Variants in MYH15 observed in about 807,000 individuals in gnomAD.
The protein encoded by MYH15 is myosin heavy chain 15, also known as myosin-15.
Under a neutral mutation model 240.5 loss-of-function variants are expected in MYH15, and 227 were observed. That is an observed-to-expected ratio of 0.94 (90% CI 0.85 to 1.05). The LOEUF is 1.05. Ranked by LOEUF, MYH15 falls within the 50% of genes least tolerant of loss-of-function variation. The pLI is 0.00. For synonymous variants in MYH15, 785 were observed against 796.7 expected, an observed-to-expected ratio of 0.99 and a Z score of 0.25; for missense variants, 2,217 against 2,247.5, an observed-to-expected ratio of 0.99 and a Z score of 0.27.
At chr3:108,464,088 T>C (rs1325466080) in intron 15 of MYH15, among the ~76,000 whole-genome samples, 1 of 152,100 alleles carries the variant, frequency 6.6e-6, no homozygotes, top group Non-Finnish European at 1.5e-5. Context: ...TAGGTCGAAG[T>C]ATTATTTTAT....
intron 14 of MYH15, among the ~76,000 whole-genome samples, chr3:108,468,893 A>T (rs369042786): frequency 2.9e-4 from 44 of 152,302 alleles, no homozygotes; most frequent in African/African-American, 9.9e-4. Context: ...GAGGACCTCC[A>T]GTTCTTTTGT....
At chr3:108,444,528 G>T (rs2082910910) in intron 22 of MYH15, 112 bp downstream of exon 22, 2 of 1,218,098 alleles carry the variant, frequency 1.6e-6, no homozygotes, top group Non-Finnish European at 2.3e-6. Context: ...AAATCCTTTG[G>T]TATTTGAAAA....
chr3:108,460,309 A>C lies in MYH15; in HGVS notation c.1923T>G (p.Ser641=). The C allele has an allele frequency of 1.2e-6, 2 of 1,600,294 alleles. No individual in the cohort carries two copies. The highest frequency in any genetic ancestry group is 4.5e-5 in the East Asian group (2 of 44,690). ...KKGASFQTVA[S]LHKENLNKLM... ...CGCAATTAAAAATTACTTTATGCAG[A>C]GATGCAACCGTTTGGAATGAAGCTC... The change falls in exon 17 of 41, where the codon TCT becomes TCG. Residue 641 remains serine (S), a synonymous_variant. Transcript: ENST00000693548.
intron 14 of MYH15, 88 bp from the exon 15 acceptor site, chr3:108,464,902 T>C: frequency 8.4e-7 from 1 of 1,186,718 alleles, no homozygotes; most frequent in African/African-American, 1.6e-5. Flanking sequence ...CCCAGGAACC[T>C]AATCAGTTGA....
At chr3:108,535,697 T>C in the MYH15 span, among the ~76,000 whole-genome samples, 1 of 152,052 alleles carries the variant, frequency 6.6e-6, no homozygotes, top group Non-Finnish European at 1.5e-5. Flanking sequence ...AGCTATAGAG[T>C]GTTTTTTGGG....
chr3:108,466,903 C>T (rs187054220), intron 14 of MYH15, among the ~76,000 whole-genome samples: 55 of 152,258 alleles, frequency 3.6e-4, no homozygotes, highest in South Asian at 1.2e-3. Context: ...AGGATTTCCT[C>T]CTTCAGCAAT....
intron 20 of MYH15, among the ~76,000 whole-genome samples, chr3:108,454,425 C>T (rs367783414): frequency 6.6e-6 from 1 of 151,996 alleles, no homozygotes; most frequent in Non-Finnish European, 1.5e-5. Context: ...GTTTAGGGAA[C>T]CTGGTTTAAG....
intron 33 of MYH15, 114 bp from the exon 34 acceptor site, chr3:108,399,381 T>C: frequency 1.1e-6 from 1 of 920,428 alleles, no homozygotes; most frequent in Non-Finnish European, 1.6e-6. Flanking sequence ...CCAAGATAAA[T>C]TTTAAGTAAC....
chr3:108,409,008 C>T (rs1466856633), intron 31 of MYH15, among the ~76,000 whole-genome samples: 1 of 152,158 alleles, frequency 6.6e-6, no homozygotes, highest in Admixed American at 6.5e-5. Context: ...CACAAAACCT[C>T]TTCCACCTGA....
chr3:108,428,535 A>T lies in MYH15; in HGVS notation c.3659T>A (p.Val1220Glu). 6.2e-7 allele frequency: 1 copy of T among 1,613,836 alleles called. No homozygotes were observed. Among genetic ancestry groups the T allele is most frequent in the Non-Finnish European group, 8.5e-7 (1 of 1,179,972 alleles). Residue 1220 changes from valine to glutamate, a missense_variant, in exon 27 of 41, where the codon GTA becomes GAA. Val to Glu is a moderately radical substitution (Grantham distance 121). Coordinates refer to ENST00000693548, the MANE Select transcript of MYH15 (RefSeq NM_014981.3). ...CTCAACACGGGTCAGGAGGTCATCT[A>T]CTTCTAGCTGCAAGTCACTCTTGTC... Reference protein sequence around the residue: ...EKDKSDLQLEVDDLLTRVEQM... With the variant: ...EKDKSDLQLEEDDLLTRVEQM...
upstream of MYH15, chr3:108,510,655 C>A: frequency 6.8e-7 from 1 of 1,463,428 alleles, no homozygotes; most frequent in Non-Finnish European, 9.4e-7. Context: ...AAATGAGCAA[C>A]CATTCACATA....
rs753099471 is a variant in MYH15, at chr3:108,383,628, T to C, written c.5733A>G (p.Lys1911=). 1 of 1,613,318 alleles carries C rather than the reference T, an allele frequency of 6.2e-7. No homozygotes were observed. The highest frequency in any genetic ancestry group is 1.7e-5 in the Admixed American group (1 of 59,956). Reference sequence around the variant, plus strand: ...CAAACTCTCTTGCTTTAATTTTGAGTTTATTGACTTGAGATTCTGCCACCT... The same window carrying C: ...CAAACTCTCTTGCTTTAATTTTGAGCTTATTGACTTGAGATTCTGCCACCT... ...RAEVAESQVN[K]LKIKAREFGK... Residue 1911 remains lysine (K), a synonymous_variant, in exon 40 of 41, where the codon AAA becomes AAG. Transcript: ENST00000693548.
rs1392716210 is a variant in MYH15, at chr3:108,399,254, ACTG to A, written c.4747_4749del (p.Gln1583del). On this transcript the variant is annotated inframe_deletion, in exon 34 of 41. Coordinates refer to ENST00000693548, the MANE Select transcript of MYH15 (RefSeq NM_014981.3). The stretch of plus-strand genomic sequence containing the variant: ...CTAGACTGCAGGGAGTCAATGGTAC[ACTG>A]CTGCTTCCTCCTAATTTGAAATAAC... The A allele has an allele frequency of 6.2e-7, 1 of 1,610,446 alleles. No individual in the cohort carries two copies. The highest frequency in any genetic ancestry group is 1.3e-5 in the African/African-American group (1 of 74,806).
At chr3:108,419,353 GA>G (rs2082662908) in intron 28 of MYH15, among the ~76,000 whole-genome samples, 1 of 152,042 alleles carries the variant, frequency 6.6e-6, no homozygotes, top group Non-Finnish European at 1.5e-5. Flanking sequence ...AAAAAAGGAA[GA>G]AAAAAATCCT....
intron 30 of MYH15, 60 bp from the exon 31 acceptor site, chr3:108,410,992 G>T: frequency 7.2e-7 from 1 of 1,394,378 alleles, no homozygotes; most frequent in Non-Finnish European, 9.8e-7. Flanking sequence ...AGCTCATCAA[G>T]TCTGCCCTGG....
rs760541250 is a variant in MYH15 at position 108,428,605 on chromosome 3, C to T, written c.3589G>A (p.Gly1197Ser). The change falls in exon 27 of 41, where the codon GGC (glycine) becomes AGC (serine). Residue 1197 changes from glycine (G) to serine (S), a missense_variant. Physicochemically the swap from Gly to Ser is moderately conservative, Grantham distance 56. Coordinates refer to ENST00000693548, the MANE Select transcript of MYH15 (RefSeq NM_014981.3). ...RHADSLAELE[G>S]QVENLQQVKQ... ...ACCTGCTGTAGATTTTCTACCTGGCCCTCGAGCTCAGCCAGGCTGTCTGCA... is the reference window on the plus strand; with the variant it reads ...ACCTGCTGTAGATTTTCTACCTGGCTCTCGAGCTCAGCCAGGCTGTCTGCA... 5 of 1,613,622 alleles carry T rather than the reference C, an allele frequency of 3.1e-6. No individual in the cohort carries two copies. The highest frequency in any genetic ancestry group is 1.7e-5 in the Admixed American group (1 of 59,928).
At chr3:108,498,398 C>T (rs2083410379) in intron 5 of MYH15, among the ~76,000 whole-genome samples, 1 of 152,166 alleles carries the variant, frequency 6.6e-6, no homozygotes, top group African/African-American at 2.4e-5. Context: ...ATTAGGAAGC[C>T]TGTTCCTTGT....
intron 27 of MYH15, among the ~76,000 whole-genome samples, chr3:108,425,473 A>G (rs2082718581): frequency 6.6e-6 from 1 of 152,232 alleles, no homozygotes; most frequent in Admixed American, 6.5e-5. Flanking sequence ...GCAGTAATCT[A>G]CTTAAAAAGT....
chr3:108,413,844 T>C (rs2082613063), intron 30 of MYH15, among the ~76,000 whole-genome samples: 1 of 152,110 alleles, frequency 6.6e-6, no homozygotes, highest in South Asian at 2.1e-4. Context: ...CACAACGACT[T>C]TGATGGAGAC....
Sources: gnomAD v4.1 joint callset for allele counts (sites outside exome capture counted in the v4.1 genomes callset) on GRCh38, gnomAD v4.1.1 for gene constraint, MANE v1.5 for transcripts, NCBI Gene and HGNC (gene_info 2026-07-23, HGNC 2026-07-21) for gene names.